Variants in TET1 observed in about 807,000 individuals in gnomAD.
TET1 encodes the protein tet methylcytosine dioxygenase 1, also known as methylcytosine dioxygenase TET1.
TET1 carries 13 observed loss-of-function variants against 148.7 expected under a neutral mutation model. That is an observed-to-expected ratio of 0.09 (90% CI 0.06 to 0.14). The LOEUF (loss-of-function observed/expected upper bound fraction) is 0.14. Among genes scored for constraint, TET1 ranks in the 10% least tolerant of loss-of-function variants. The pLI is 1.00. For missense variants in TET1, 2,182 were observed against 2,553.8 expected, an observed-to-expected ratio of 0.85 and a Z score of 3.14; for synonymous variants, 907 against 937.2, an observed-to-expected ratio of 0.97 and a Z score of 0.59.
Position 68,682,093 on chromosome 10 carries a change from C to CTTTTTTTTTTTTTTT in TET1, c.4914+615_4914+629dup, listed in dbSNP as rs386371716. Among the ~76,000 whole-genome samples, 7 of 67,072 alleles carry CTTTTTTTTTTTTTTT rather than the reference C, an allele frequency of 1.0e-4. 2 individuals carry two copies. The highest frequency in any genetic ancestry group is 1.4e-3 in the South Asian group (2 of 1,442). 44.0% of individuals were successfully genotyped at this position (67,072 alleles called of 152,430 possible). ...TAATTGGACTTTTTATTGATCTACT[C>CTTTTTTTTTTTTTTT]TTTTTTTTTTTTTTTTTTTTTTTTG... On this transcript the variant is annotated intron_variant, in intron 9 of 11. Transcript: ENST00000373644.
rs1321330172 is a variant in TET1 at position 68,686,554 on chromosome 10, G to A, written c.5251G>A (p.Val1751Ile). ...AAAAAGAACGTGTTTCACTCAGCCT[G>A]TTCCCCGTTCTGGAAAGAAGAGGGC... ...RKKRTCFTQP[V>I]PRSGKKRAAM... Residue 1751 changes from valine (V) to isoleucine (I), a missense_variant, in exon 11 of 12, where the codon GTT becomes ATT. Physicochemically the swap from Val to Ile is conservative, Grantham distance 29 (BLOSUM62 3). Transcript: ENST00000373644. The A allele has an allele frequency of 6.2e-7, 1 of 1,614,154 alleles. No homozygotes were observed. The highest frequency in any genetic ancestry group is 1.7e-5 in the Admixed American group (1 of 60,008).
rs9919473 is a variant in TET1 at position 68,671,537 on chromosome 10, C to A, written c.4674-1358C>A. On this transcript the variant is annotated intron_variant, in intron 7 of 11. Transcript: ENST00000373644. Reference sequence around the variant, plus strand: ...ACATGCATGTGTCTTTATGGTAGAACGATTTATACTCCTTTGGGTATATAC... The same window carrying A: ...ACATGCATGTGTCTTTATGGTAGAAAGATTTATACTCCTTTGGGTATATAC... 8.5e-5 allele frequency among the ~76,000 whole-genome samples: 13 copies of A among 152,298 alleles called. No homozygotes were observed. In the East Asian group the frequency reaches 2.5e-3, roughly 29 times the overall value.
intron 2 of TET1, among the ~76,000 whole-genome samples, chr10:68,578,588 C>G (rs894182817): frequency 2.0e-5 from 3 of 151,878 alleles, no homozygotes; most frequent in African/African-American, 7.3e-5. Context: ...TTTTAAAGCC[C>G]CAACCATGGC....
At position 68,595,981 on chromosome 10, in the gene TET1, T is replaced by C. The variant is rs868271184; in HGVS notation, c.1915-5000T>C. Among the ~76,000 whole-genome samples the C allele has an allele frequency of 2.3e-3, 93 of 40,796 alleles. 1 individual carries two copies. The highest frequency in any genetic ancestry group is 0.013 in the Middle Eastern group (1 of 80). The allele number at this position is 40,796 out of a possible 152,430, so 26.8% of individuals were successfully genotyped here. Reference sequence around the variant, plus strand: ...ATATATACACACACACACACACATATATACACACACACACACACACACACA... The same window carrying C: ...ATATATACACACACACACACACATACATACACACACACACACACACACACA... On this transcript the variant is annotated intron_variant, in intron 2 of 11. Transcript: ENST00000373644.
At chr10:68,644,126 A>C (rs1353900444) in intron 3 of TET1, among the ~76,000 whole-genome samples, 1 of 152,000 alleles carries the variant, frequency 6.6e-6, no homozygotes, top group African/African-American at 2.4e-5. Context: ...GCTGGTCTTG[A>C]ACTCCTGACC....
intron 3 of TET1, among the ~76,000 whole-genome samples, chr10:68,604,801 A>G (rs1436384710): frequency 6.6e-6 from 1 of 152,256 alleles, no homozygotes; most frequent in East Asian, 1.9e-4. Flanking sequence ...CTGTGATTAC[A>G]TAAGATGGTA....
intron 2 of TET1, among the ~76,000 whole-genome samples, chr10:68,584,570 G>A (rs914483985): frequency 2.0e-5 from 3 of 150,206 alleles, no homozygotes; most frequent in East Asian, 2.1e-4. Context: ...TTAGCCAGGC[G>A]TGGTGGCATG....
chr10:68,669,988 C>T (rs1167108928), intron 7 of TET1, among the ~76,000 whole-genome samples: 1 of 152,140 alleles, frequency 6.6e-6, no homozygotes, highest in Non-Finnish European at 1.5e-5. Context: ...CAATTGTTAA[C>T]ACTATGTTAC....
At position 68,675,564 on chromosome 10, in the gene TET1, A is replaced by AT. The variant is rs11313882; in HGVS notation, c.4824+2538dup. Among the ~76,000 whole-genome samples, 957 of 131,462 alleles carry AT rather than the reference A, an allele frequency of 7.3e-3. 15 individuals are homozygous for AT. Among genetic ancestry groups the AT allele is most frequent in the African/African-American group, 0.016 (547 of 35,254 alleles). The allele number at this position is 131,462 out of a possible 152,430, so 86.2% of individuals were successfully genotyped here. On this transcript the variant is annotated intron_variant, in intron 8 of 11. Coordinates refer to ENST00000373644, the MANE Select transcript of TET1 (RefSeq NM_030625.3). ...GCCAAAGCGTCAAACTATCCACGTC[A>AT]TTTTTTTTTTTTTTTTTTTGAGTCT...
In TET1 at chr10:68,672,362, C is replaced by G. The variant is rs56786321; in HGVS notation, c.4674-533C>G. Among the ~76,000 whole-genome samples, 1,027 of 151,520 alleles carry G rather than the reference C, an allele frequency of 6.8e-3. 15 individuals are homozygous for G. The highest frequency in any genetic ancestry group is 0.024 in the African/African-American group (975 of 41,298). ...AATTAGCTGGGCGTGGTGGCGCACACCTGTAATCTCGGCTACTCAGGAGGC... is the reference window on the plus strand; with the variant it reads ...AATTAGCTGGGCGTGGTGGCGCACAGCTGTAATCTCGGCTACTCAGGAGGC... On this transcript the variant is annotated intron_variant, in intron 7 of 11. Coordinates refer to ENST00000373644, the MANE Select transcript of TET1 (RefSeq NM_030625.3).
chr10:68,584,538 G>A (rs149091468), intron 2 of TET1, among the ~76,000 whole-genome samples: 79 of 151,114 alleles, frequency 5.2e-4, no homozygotes, highest in East Asian at 2.3e-3. Context: ...GTTAAACCCC[G>A]TCTCTACGAA....
At position 68,646,588 on chromosome 10, in the gene TET1, C is replaced by G; in HGVS notation, c.3859C>G (p.Gln1287Glu). The stretch of plus-strand genomic sequence containing the variant: ...TGATAAAGCTTATAATTCTCAGGTA[C>G]AGTTAACGGTGAATGCCAATCAGAA... ...FTDKAYNSQV[Q>E]LTVNANQKAH... Residue 1287 changes from glutamine to glutamate, a missense_variant, in exon 4 of 12, where the codon CAG becomes GAG. Gln to Glu is a conservative substitution (Grantham distance 29, BLOSUM62 2). Coordinates refer to ENST00000373644, the MANE Select transcript of TET1 (RefSeq NM_030625.3). The G allele has an allele frequency of 1.2e-6, 2 of 1,614,188 alleles. No individual in the cohort carries two copies. The highest frequency in any genetic ancestry group is 1.3e-5 in the African/African-American group (1 of 75,054).
chr10:68,616,125 C>T (rs2054286207), intron 3 of TET1, among the ~76,000 whole-genome samples: 1 of 152,100 alleles, frequency 6.6e-6, no homozygotes, highest in South Asian at 2.1e-4. Context: ...ATTTAATCTA[C>T]TAATAAGGAA....
intron 11 of TET1, among the ~76,000 whole-genome samples, chr10:68,687,295 C>T (rs1483678047): frequency 2.0e-5 from 3 of 152,042 alleles, no homozygotes; most frequent in Admixed American, 6.6e-5. Context: ...CACGCCTTGG[C>T]TTAAGCAATA....
chr10:68,651,285 TA>T (rs567695559), intron 4 of TET1, among the ~76,000 whole-genome samples: 1 of 151,674 alleles, frequency 6.6e-6, no homozygotes. Flanking sequence ...CCGTCTCTAC[TA>T]AAAAATACAA....
chr10:68,603,070 G>A (rs2054079102), intron 3 of TET1, among the ~76,000 whole-genome samples: 1 of 152,194 alleles, frequency 6.6e-6, no homozygotes, highest in African/African-American at 2.4e-5. Context: ...CTGTCAGCTT[G>A]AGGTTTTATG....
chr10:68,645,547 G>A lies in TET1; in HGVS notation c.2818G>A (p.Asp940Asn). The A allele has an allele frequency of 1.2e-6, 2 of 1,614,122 alleles. No individual in the cohort carries two copies. Among genetic ancestry groups the A allele is most frequent in the Admixed American group, 1.7e-5 (1 of 60,008 alleles). Residue 940 changes from aspartate (D) to asparagine (N), a missense_variant, in exon 4 of 12, where the codon GAC (aspartate) becomes AAC (asparagine). Asp to Asn is a conservative substitution (Grantham distance 23). This residue lies in a region of TET1 where 582 missense variants were observed against 599.5 expected (regional missense o/e 0.97). Coordinates refer to ENST00000373644, the MANE Select transcript of TET1 (RefSeq NM_030625.3). ...AGCTATCCTCTACACTGTAAGAAAAGACCTCCAAGACCCAAACTTACAGGG... is the reference window on the plus strand; with the variant it reads ...AGCTATCCTCTACACTGTAAGAAAAAACCTCCAAGACCCAAACTTACAGGG... ...CKAILYTVRK[D>N]LQDPNLQGEP...
chr10:68,690,733 T>A (rs779887364), intron 11 of TET1, 75 bp from the exon 12 acceptor site: 276 of 1,441,644 alleles, frequency 1.9e-4, no homozygotes, highest in Non-Finnish European at 2.5e-4. Flanking sequence ...TACTTGTCTT[T>A]GAAAATACTT....
At position 68,686,505 on chromosome 10, in the gene TET1, C is replaced by A. The variant is rs759378565; in HGVS notation, c.5202C>A (p.Ile1734=). 2 of 1,614,074 alleles carry A rather than the reference C, an allele frequency of 1.2e-6. No individual in the cohort carries two copies. Among genetic ancestry groups the A allele is most frequent in the Non-Finnish European group, 8.5e-7 (1 of 1,180,028 alleles). Residue 1734 remains isoleucine (I), a synonymous_variant, in exon 11 of 12, where the codon ATC becomes ATA. Coordinates refer to ENST00000373644, the MANE Select transcript of TET1 (RefSeq NM_030625.3). ...AAGCCAAGATCAAATCTGGGGCCAT[C>A]GAGGTCCTGGCACCCCGCCGCAAAA... The part of the protein sequence containing the change: ...GMEAKIKSGA[I]EVLAPRRKKR...
Sources: allele counts gnomAD v4.1 joint callset (sites outside exome capture counted in the v4.1 genomes callset), GRCh38; gene constraint gnomAD v4.1.1; regional missense constraint gnomAD v4.1.1; transcripts MANE v1.5; gene names NCBI Gene and HGNC (gene_info 2026-07-23, HGNC 2026-07-21).